The following ITGA9 variants were observed in gnomAD, a reference collection of about 807,000 sequenced individuals.
ITGA9 encodes the protein integrin alpha-9.
Under a neutral mutation model 127.8 loss-of-function variants are expected in ITGA9, and 56 were observed. The ratio of observed to expected loss-of-function variants is 0.44; its 90% CI spans 0.35 to 0.55. The LOEUF (loss-of-function observed/expected upper bound fraction) is 0.55, where lower values mean the gene tolerates loss of function less well. ITGA9 is among the 20% of genes least tolerant of loss of function. ITGA9 has a pLI of 0.00. For synonymous variants in ITGA9, 508 were observed against 514.5 expected (o/e 0.99, Z 0.17); for missense variants, 1,196 against 1,347.1 (o/e 0.89, Z 1.76).
In ITGA9 at chr3:37,629,092, G is replaced by A; in HGVS notation, c.1690-95G>A. 1 of 1,399,678 alleles carries A rather than the reference G, an allele frequency of 7.1e-7. No individual in the cohort carries two copies. The allele number at this position is 1,399,678 out of a possible 1,614,324, so 86.7% of individuals were successfully genotyped here. On this transcript the variant is annotated intron_variant, in intron 15 of 27. Coordinates refer to ENST00000264741, the MANE Select transcript of ITGA9 (RefSeq NM_002207.3). This position sits in a 1 kb window ranked among gnomAD's most constrained non-coding sequence, Gnocchi z 4.5. ...GAGGGTGATTGTGAGGATTATATGA[G>A]GCAATTCATGTAGAAGGTCTTTGTA... is the stretch of plus-strand genomic sequence containing the variant.
intron 18 of ITGA9, among the ~76,000 whole-genome samples, chr3:37,698,090 GA>G (rs1447702015): frequency 6.6e-6 from 1 of 152,220 alleles, no homozygotes; most frequent in Non-Finnish European, 1.5e-5. Context: ...GGCCAGTGAT[GA>G]TGAGCATTTT....
intron 27 of ITGA9, chr3:37,807,632 A>G (rs550936041): frequency 6.5e-6 from 1 of 152,976 alleles, no homozygotes; most frequent in East Asian, 1.9e-4. Flanking sequence ...CTGTAATCCC[A>G]GTGCTTTGGG....
intron 15 of ITGA9, chr3:37,585,573 G>A (rs372114974): frequency 3.9e-4 from 199 of 508,126 alleles, no homozygotes; most frequent in African/African-American, 3.4e-3. Flanking sequence ...ATTTTCTCTA[G>A]CAATTATGGG....
intron 15 of ITGA9, among the ~76,000 whole-genome samples, chr3:37,605,904 G>C (rs568953910): frequency 1.3e-5 from 2 of 152,120 alleles, no homozygotes; most frequent in South Asian, 4.2e-4. Flanking sequence ...AAAGCTTCAT[G>C]TCTCTGTTCT....
chr3:37,456,690 G>C (rs1183254356), intron 1 of ITGA9, among the ~76,000 whole-genome samples: 1 of 152,198 alleles, frequency 6.6e-6, no homozygotes, highest in East Asian at 1.9e-4. Context: ...AGATGTGCTG[G>C]GCTTTTTGCT....
intron 26 of ITGA9, among the ~76,000 whole-genome samples, chr3:37,788,156 C>T (rs1166841235): frequency 1.3e-5 from 2 of 152,310 alleles, no homozygotes; most frequent in South Asian, 2.1e-4. Flanking sequence ...TCTGTTATCA[C>T]GTTGAATTCT....
intron 23 of ITGA9, among the ~76,000 whole-genome samples, chr3:37,766,644 G>C (rs1183546085): frequency 6.6e-6 from 1 of 152,162 alleles, no homozygotes; most frequent in Non-Finnish European, 1.5e-5. Context: ...ACCTTAAGAT[G>C]GGTCCAAGAG....
rs184665343 is a variant in ITGA9, at chr3:37,473,308, A to G, written c.314-46A>G. 8.9e-4 allele frequency: 1,321 copies of G among 1,487,678 alleles called. 2 individuals are homozygous for G. The highest frequency in any genetic ancestry group is 1.2e-3 in the Non-Finnish European group (1,246 of 1,064,692). The allele number at this position is 1,487,678 out of a possible 1,614,324, so 92.2% of individuals were successfully genotyped here. On this transcript the variant is annotated intron_variant, in intron 2 of 27. Transcript: ENST00000264741. ...ACCACCCTTTGAAAGCAGCCAGCAG[A>G]ACATCACTCCTCAACCCAAGTCTGG...
intron 26 of ITGA9, among the ~76,000 whole-genome samples, chr3:37,801,750 C>T (rs1422651950): frequency 6.6e-6 from 1 of 152,226 alleles, no homozygotes; most frequent in Non-Finnish European, 1.5e-5. Flanking sequence ...GTGCCAGATG[C>T]TATGCTGGGG....
intron 17 of ITGA9, among the ~76,000 whole-genome samples, chr3:37,678,232 A>G (rs1700701595): frequency 6.6e-6 from 1 of 152,152 alleles, no homozygotes; most frequent in Non-Finnish European, 1.5e-5. Context: ...ATGTTTAATT[A>G]TTTTGAGAAA....
At chr3:37,779,790 T>C in intron 24 of ITGA9, 112 bp from the exon 25 acceptor site, 1 of 993,582 alleles carries the variant, frequency 1.0e-6, no homozygotes, top group Non-Finnish European at 1.6e-6. Context: ...GGATTTCCTC[T>C]GCCTGGAATT....
intron 15 of ITGA9, among the ~76,000 whole-genome samples, chr3:37,618,250 A>T (rs921194962): frequency 1.3e-5 from 2 of 152,224 alleles, no homozygotes; most frequent in African/African-American, 4.8e-5. Flanking sequence ...TTGCCTGGGT[A>T]TCAGCAGCGG....
intron 1 of ITGA9, among the ~76,000 whole-genome samples, chr3:37,465,578 G>C (rs149510284): frequency 6.6e-6 from 1 of 152,256 alleles, no homozygotes; most frequent in Non-Finnish European, 1.5e-5. Context: ...AACCAGTGTT[G>C]GTGCATGAAC....
chr3:37,631,000 C>T (rs1160873727), intron 16 of ITGA9, among the ~76,000 whole-genome samples: 3 of 152,100 alleles, frequency 2.0e-5, no homozygotes, highest in Admixed American at 1.3e-4. Context: ...AGGTCCCCTC[C>T]TGACAGGGAA....
intron 13 of ITGA9, among the ~76,000 whole-genome samples, chr3:37,530,717 G>GTTTTTTTTTTT (rs71094916): frequency 7.0e-5 from 6 of 86,252 alleles, no homozygotes; most frequent in Non-Finnish European, 1.1e-4. Flanking sequence ...CAGCTACCAG[G>GTTTTTTTTTTT]TTTTTTTTTT....
intron 15 of ITGA9, among the ~76,000 whole-genome samples, chr3:37,616,315 C>G (rs552626017): frequency 3.3e-5 from 5 of 152,306 alleles, no homozygotes; most frequent in South Asian, 2.1e-4. Context: ...TTTGATTGCA[C>G]TGTGGTCTGA....
Position 37,477,635 on chromosome 3 carries a change from C to T in ITGA9, c.421-3849C>T, listed in dbSNP as rs185146865. Among the ~76,000 whole-genome samples the T allele has an allele frequency of 2.6e-4, 39 of 152,260 alleles. 1 individual carries two copies. The South Asian group carries it at 5.6e-3, about 22-fold the overall frequency. ...TCATCCTGAGCTTCCTGTGTGCAGACGACATTTTAAGAAATGAGCGGGGAG... is the reference window on the plus strand; with the variant it reads ...TCATCCTGAGCTTCCTGTGTGCAGATGACATTTTAAGAAATGAGCGGGGAG... On this transcript the variant is annotated intron_variant, in intron 3 of 27. Coordinates refer to ENST00000264741, the MANE Select transcript of ITGA9 (RefSeq NM_002207.3).
chr3:37,590,272 C>A (rs1254153427), intron 15 of ITGA9, among the ~76,000 whole-genome samples: 3 of 152,204 alleles, frequency 2.0e-5, no homozygotes, highest in Non-Finnish European at 4.4e-5. Context: ...GTCCTCAGGC[C>A]ACCCTAGCCC....
intron 15 of ITGA9, among the ~76,000 whole-genome samples, chr3:37,602,503 G>A (rs1400604158): frequency 6.6e-6 from 1 of 152,050 alleles, no homozygotes; most frequent in Non-Finnish European, 1.5e-5. Context: ...TTAATGAAAT[G>A]TATCAAGCAG....
Sources: gnomAD v4.1 joint callset for allele counts (sites outside exome capture counted in the v4.1 genomes callset) on GRCh38, gnomAD v4.1.1 for gene constraint, Gnocchi (gnomAD v3.1) non-coding constraint, MANE v1.5 for transcripts, NCBI Gene and HGNC (gene_info 2026-07-23, HGNC 2026-07-21) for gene names.